The following OCM variants were observed in gnomAD, a reference collection of about 807,000 sequenced individuals.
The protein encoded by OCM is oncomodulin-1.
Under a neutral mutation model 14.1 loss-of-function variants are expected in OCM, and 18 were observed. The observed-to-expected ratio is 1.28, with a 90% CI of 0.88 to 1.89. The LOEUF (loss-of-function observed/expected upper bound fraction) is 1.89, where lower values mean the gene tolerates loss of function less well. Ranked by LOEUF, OCM falls within the 40% of genes most tolerant of loss-of-function variation. The pLI, the probability that OCM is intolerant of heterozygous loss-of-function variation, is 0.00. For missense variants in OCM, 140 were observed against 137.6 expected (o/e 1.02, Z -0.09); for synonymous variants, 48 against 51.0 (o/e 0.94, Z 0.25).
chr7:5,879,584 G>C (rs1781166325), upstream of OCM, among the ~76,000 whole-genome samples: 1 of 152,020 alleles, frequency 6.6e-6, no homozygotes, highest in Non-Finnish European at 1.5e-5. Flanking sequence ...GTTTGTCTTA[G>C]TTCAGGCCAC....
At chr7:5,876,127 T>C (rs578080050), upstream of OCM, among the ~76,000 whole-genome samples, 2 of 152,250 alleles carry the variant, frequency 1.3e-5, no homozygotes, top group Admixed American at 1.3e-4. Flanking sequence ...TGACTCAGCC[T>C]CCAGAGTAGC....
chr7:5,885,173 C>G (rs1781307284), intron 3 of OCM, among the ~76,000 whole-genome samples: 1 of 151,386 alleles, frequency 6.6e-6, no homozygotes, highest in Admixed American at 6.6e-5. Context: ...ACAAAGCTTA[C>G]CAATAAATAT....
At chr7:5,884,193 C>G (rs147214781) in intron 3 of OCM, among the ~76,000 whole-genome samples, 194 bp downstream of exon 3, 1 of 152,096 alleles carries the variant, frequency 6.6e-6, no homozygotes, top group African/African-American at 2.4e-5. Flanking sequence ...GCATAATGCT[C>G]GGTAGGTACT....
rs898198382 is a variant in OCM, at chr7:5,886,154, G to T, written c.*65G>T. The T allele has an allele frequency of 2.0e-6, 3 of 1,471,756 alleles. No homozygotes were observed. Among genetic ancestry groups the T allele is most frequent in the African/African-American group, 2.8e-5 (2 of 71,714 alleles). 91.2% of individuals were successfully genotyped at this position (1,471,756 alleles called of 1,614,324 possible). Reference sequence around the variant, plus strand: ...ACCTGGAAGGATTCCAAAGCCCTGGGAATGGGGAACCCCACATCCCATCCC... The same window carrying T: ...ACCTGGAAGGATTCCAAAGCCCTGGTAATGGGGAACCCCACATCCCATCCC... On this transcript the variant is annotated 3_prime_UTR_variant, in exon 4 of 4. Coordinates refer to ENST00000242104, the MANE Select transcript of OCM (RefSeq NM_001097622.2).
the OCM span, among the ~76,000 whole-genome samples, chr7:5,860,988 T>A: frequency 5.3e-5 from 8 of 151,790 alleles, no homozygotes; most frequent in African/African-American, 1.9e-4. Flanking sequence ...CTGGAGAACT[T>A]CTTGGCAAGA....
At chr7:5,863,352 A>C in the OCM span, among the ~76,000 whole-genome samples, 90,291 of 151,652 alleles carry the variant, frequency 0.6, 29,262 homozygotes, top group African/African-American at 0.87. Flanking sequence ...GGGACTCATG[A>C]CTCATTCCCT....
At chr7:5,877,733 T>C (rs1223515541), upstream of OCM, among the ~76,000 whole-genome samples, 1 of 141,630 alleles carries the variant, frequency 7.1e-6, no homozygotes, top group Non-Finnish European at 1.5e-5. Context: ...GGCAGGAGAA[T>C]TGCTTGAACC....
chr7:5,877,976 CTTT>C, upstream of OCM, among the ~76,000 whole-genome samples: 1 of 145,124 alleles, frequency 6.9e-6, no homozygotes, highest in African/African-American at 2.5e-5. Flanking sequence ...CAGTCAAACT[CTTT>C]TTTTTTTTTG....
chr7:5,883,478 G>A (rs6961376), intron 2 of OCM, among the ~76,000 whole-genome samples: 1 of 152,080 alleles, frequency 6.6e-6, no homozygotes, highest in Admixed American at 6.6e-5. Flanking sequence ...GAGCCCAGGG[G>A]TTCCAGACCA....
At chr7:5,874,303 T>C in the OCM span, among the ~76,000 whole-genome samples, 1 of 149,394 alleles carries the variant, frequency 6.7e-6, no homozygotes, top group African/African-American at 2.5e-5. Flanking sequence ...CAATTAGGAA[T>C]TGGTGGCCAA....
chr7:5,871,877 C>T, the OCM span: 19 of 152,202 alleles, frequency 1.2e-4, no homozygotes, highest in African/African-American at 4.6e-4. Context: ...GTTCACCCTC[C>T]TTAGGCAACC....
upstream of OCM, among the ~76,000 whole-genome samples, chr7:5,877,527 G>A (rs1781118442): frequency 6.6e-6 from 1 of 151,298 alleles, no homozygotes; most frequent in Non-Finnish European, 1.5e-5. Context: ...CTTTTAAAAA[G>A]GAGACCCTAG....
At chr7:5,865,170 C>A in the OCM span, among the ~76,000 whole-genome samples, 157 of 151,856 alleles carry the variant, frequency 1.0e-3, 1 homozygote, top group Admixed American at 1.2e-3. Context: ...TCCTGGCCAG[C>A]GTCGGGGCCG....
chr7:5,869,003 C>T, the OCM span, among the ~76,000 whole-genome samples: 16 of 152,176 alleles, frequency 1.1e-4, no homozygotes, highest in East Asian at 1.9e-3. Flanking sequence ...GCAGAGGTTG[C>T]AGTGAGCTGA....
chr7:5,873,210 A>G, the OCM span, among the ~76,000 whole-genome samples: 1 of 152,110 alleles, frequency 6.6e-6, no homozygotes, highest in African/African-American at 2.4e-5. Flanking sequence ...CCCTGTCTCT[A>G]CTAAAACTAC....
the OCM span, among the ~76,000 whole-genome samples, chr7:5,863,931 C>T: frequency 1.3e-5 from 2 of 151,966 alleles, no homozygotes; most frequent in Non-Finnish European, 2.9e-5. Flanking sequence ...ACACTCTCCT[C>T]TGGTCGTTAG....
chr7:5,881,846 G>A (rs1781221406), intron 1 of OCM, among the ~76,000 whole-genome samples: 1 of 151,874 alleles, frequency 6.6e-6, no homozygotes, highest in East Asian at 1.9e-4. Flanking sequence ...CAACACTTTG[G>A]GAGGCCGAGG....
chr7:5,860,818 A>C, the OCM span, among the ~76,000 whole-genome samples: 376 of 146,458 alleles, frequency 2.6e-3, 32 homozygotes, highest in Non-Finnish European at 4.0e-3. Context: ...ACACACATAC[A>C]TATATATACA....
At chr7:5,878,758 A>C (rs74353238), upstream of OCM, among the ~76,000 whole-genome samples, 37,577 of 151,044 alleles carry the variant, frequency 0.25, 4,820 homozygotes, top group Middle Eastern at 0.39. Context: ...AAAAAACAAA[A>C]AAAAAAAATG....
Sources: allele counts gnomAD v4.1 joint callset (sites outside exome capture counted in the v4.1 genomes callset), GRCh38; gene constraint gnomAD v4.1.1; transcripts MANE v1.5; gene names NCBI Gene and HGNC (gene_info 2026-07-23, HGNC 2026-07-21).